Variants in ERMAP observed in about 807,000 individuals in gnomAD.
The protein encoded by ERMAP is erythroblast membrane associated protein (Scianna blood group).
In ERMAP, 34 loss-of-function variants were observed where a neutral mutation model predicts 49.5. That is an observed-to-expected ratio of 0.69 (90% CI 0.52 to 0.91). The LOEUF (loss-of-function observed/expected upper bound fraction) is 0.91. Ranked by LOEUF, ERMAP falls within the 40% of genes least tolerant of loss-of-function variation. The pLI is 0.00. For synonymous variants in ERMAP, 214 were observed against 232.2 expected (o/e 0.92, Z 0.71); for missense variants, 541 against 582.6 (o/e 0.93, Z 0.74).
In ERMAP at chr1:42,819,347, A is replaced by G. The variant is rs1319409941; in HGVS notation, c.-122+2094A>G. 6.6e-6 allele frequency among the ~76,000 whole-genome samples: 1 copy of G among 151,916 alleles called. No homozygotes were observed. The highest frequency in any genetic ancestry group is 1.5e-5 in the Non-Finnish European group (1 of 67,856). ...TGGAGATACCAGTTTGGGATTCTAC[A>G]TTCTTTATTGGGAAGGTGAAGGTTG... is the stretch of plus-strand genomic sequence containing the variant. On this transcript the variant is annotated intron_variant, in intron 1 of 11. Transcript: ENST00000372517. The surrounding 1 kb of genome is among the most constrained non-coding windows in gnomAD (Gnocchi z 5.1).
In ERMAP at chr1:42,825,659, T is replaced by C; in HGVS notation, c.-85T>C. Reference sequence around the variant, plus strand: ...GCGCTTGCCTGCTCCCTGGTCTCTCTGCATGGGGAAGGAGTGTTCCCAGCT... The same window carrying C: ...GCGCTTGCCTGCTCCCTGGTCTCTCCGCATGGGGAAGGAGTGTTCCCAGCT... On this transcript the variant is annotated 5_prime_UTR_variant, in exon 2 of 12. Coordinates refer to ENST00000372517, the MANE Select transcript of ERMAP (RefSeq NM_001017922.2). The C allele has an allele frequency of 7.8e-7, 1 of 1,289,426 alleles. No homozygotes were observed. Among genetic ancestry groups the C allele is most frequent in the South Asian group, 1.2e-5 (1 of 81,026 alleles). 79.9% of individuals were successfully genotyped at this position (1,289,426 alleles called of 1,614,324 possible). A position where few individuals can be genotyped will look rare whatever the true frequency, so the allele number is the denominator to read the frequency against.
chr1:42,832,277 G>A lies in ERMAP; in HGVS notation c.433+1162G>A, dbSNP rs34052572. Among the ~76,000 whole-genome samples, 953 of 134,896 alleles carry A rather than the reference G, an allele frequency of 7.1e-3. 6 individuals carry two copies. The highest frequency in any genetic ancestry group is 0.025 in the African/African-American group (882 of 35,184). The allele number at this position is 134,896 out of a possible 152,430, so 88.5% of individuals were successfully genotyped here. A position where few individuals can be genotyped will look rare whatever the true frequency, so the allele number is the denominator to read the frequency against. ...TGCAATCTTGGCTCACTGCAACTTC[G>A]CCTCCTGGGTTCAGGTGATTCTCCT... On this transcript the variant is annotated intron_variant, in intron 4 of 11. Coordinates refer to ENST00000372517, the MANE Select transcript of ERMAP (RefSeq NM_001017922.2).
intron 1 of ERMAP, among the ~76,000 whole-genome samples, chr1:42,824,022 A>C (rs1161245369): frequency 6.6e-6 from 1 of 152,214 alleles, no homozygotes; most frequent in Non-Finnish European, 1.5e-5. Context: ...ATTCTTGCAC[A>C]TGTGAGCAGG....
chr1:42,826,340 C>CA (rs575330810), intron 2 of ERMAP, among the ~76,000 whole-genome samples: 41 of 147,702 alleles, frequency 2.8e-4, no homozygotes, highest in African/African-American at 5.5e-4. Context: ...CACCATCAAA[C>CA]AAAAAAAAAG....
At chr1:42,828,643 G>A (rs1275023287) in intron 2 of ERMAP, among the ~76,000 whole-genome samples, 3 of 151,936 alleles carry the variant, frequency 2.0e-5, no homozygotes, top group Non-Finnish European at 4.4e-5. Flanking sequence ...CTACAGGTGC[G>A]TGCCACCATG....
chr1:42,837,530 C>T (rs1020258829), intron 7 of ERMAP: 53 of 172,152 alleles, frequency 3.1e-4, no homozygotes, highest in African/African-American at 1.2e-3. Context: ...TTCAAGAATC[C>T]ACACAACCTT....
rs745710803 is a variant in ERMAP at position 42,844,295 on chromosome 1, G to A, written c.*1063G>A. 17 of 394,856 alleles carry A rather than the reference G, an allele frequency of 4.3e-5. No individual in the cohort carries two copies. The highest frequency in any genetic ancestry group is 4.3e-4 in the East Asian group (12 of 27,886). The allele number at this position is 394,856 out of a possible 1,614,324, so 24.5% of individuals were successfully genotyped here. ...GGGTGTGTATTGCAGAAGCCTCGTC[G>A]CTTTCAAGTCACATCATATATGCGA... On this transcript the variant is annotated 3_prime_UTR_variant, in exon 12 of 12. Coordinates refer to ENST00000372517, the MANE Select transcript of ERMAP (RefSeq NM_001017922.2). The surrounding 1 kb of genome is among the most constrained non-coding windows in gnomAD (Gnocchi z 4.0).
intron 2 of ERMAP, chr1:42,830,110 T>C (rs994047924): frequency 3.9e-6 from 1 of 259,098 alleles, no homozygotes; most frequent in Non-Finnish European, 7.5e-6. Flanking sequence ...AAGTTCTGGA[T>C]CCTCACTCAT....
At chr1:42,830,201 C>A (rs1654675249) in intron 2 of ERMAP, 3 of 536,660 alleles carry the variant, frequency 5.6e-6, no homozygotes, top group Non-Finnish European at 1.0e-5. Flanking sequence ...CCTCTTTCAA[C>A]CCTCACCATA....
Position 42,824,066 on chromosome 1 carries a change from C to T in ERMAP, c.-121-1557C>T, listed in dbSNP as rs1654469132. ...ATCAAGAATGTTCAGGGCACGAGGC[C>T]GGGCGCGGTGGCTCACGCCTGTAAT... On this transcript the variant is annotated intron_variant, in intron 1 of 11. Coordinates refer to ENST00000372517, the MANE Select transcript of ERMAP (RefSeq NM_001017922.2). Among the ~76,000 whole-genome samples the T allele has an allele frequency of 2.0e-5, 3 of 152,138 alleles. No individual in the cohort carries two copies. In the South Asian group the frequency reaches 6.2e-4, roughly 31 times the overall value.
chr1:42,834,825 T>G (rs1570540749), intron 4 of ERMAP: 1 of 469,334 alleles, frequency 2.1e-6, no homozygotes, highest in Non-Finnish European at 3.9e-6. Flanking sequence ...AAAGTGCTGG[T>G]ATTACAGGCG....
At position 42,843,858 on chromosome 1, in the gene ERMAP, G is replaced by T. The variant is rs1473819930; in HGVS notation, c.*626G>T. On this transcript the variant is annotated 3_prime_UTR_variant, in exon 12 of 12. Coordinates refer to ENST00000372517, the MANE Select transcript of ERMAP (RefSeq NM_001017922.2). ...AGAGCTAATGTACATGCTTTCAAAA[G>T]CTAATCTGCCTGTTGATGGTAACTA... is the stretch of plus-strand genomic sequence containing the variant. 1 of 392,516 alleles carries T rather than the reference G, an allele frequency of 2.5e-6. No homozygotes were observed. The highest frequency in any genetic ancestry group is 2.1e-5 in the African/African-American group (1 of 48,478). The allele number at this position is 392,516 out of a possible 1,614,324, so 24.3% of individuals were successfully genotyped here. A position where few individuals can be genotyped will look rare whatever the true frequency, so the allele number is the denominator to read the frequency against.
Position 42,819,213 on chromosome 1 carries a change from G to A in ERMAP, c.-122+1960G>A, listed in dbSNP as rs1654341591. Among the ~76,000 whole-genome samples, 5 of 151,248 alleles carry A rather than the reference G, an allele frequency of 3.3e-5. No individual in the cohort carries two copies. Among genetic ancestry groups the A allele is most frequent in the East Asian group, 3.9e-4 (2 of 5,156 alleles). The stretch of plus-strand genomic sequence containing the variant: ...TGTGTGTGTGTGTGTGTGTGCGCGC[G>A]CGCAAGAGAGGGACCGAGAGAGAGA... On this transcript the variant is annotated intron_variant, in intron 1 of 11. Coordinates refer to ENST00000372517, the MANE Select transcript of ERMAP (RefSeq NM_001017922.2). The surrounding 1 kb of genome is among the most constrained non-coding windows in gnomAD (Gnocchi z 5.1).
rs376742128 is a variant in ERMAP at position 42,840,274 on chromosome 1, G to C, written c.690G>C (p.Trp230Cys). 4 of 1,614,064 alleles carry C rather than the reference G, an allele frequency of 2.5e-6. No homozygotes were observed. The highest frequency in any genetic ancestry group is 3.4e-6 in the Non-Finnish European group (4 of 1,180,016). Reference sequence around the variant, plus strand: ...TCCCCTTTTCTCATTTTTCAGGCTGGAGAAGAGCCCGGTTGCATTTTGGTA... The same window carrying C: ...TCCCCTTTTCTCATTTTTCAGGCTGCAGAAGAGCCCGGTTGCATTTTGGTA... ...KLKRAAANSG[W>C]RRARLHFVAV... Residue 230 changes from tryptophan (W) to cysteine (C), a missense_variant, in exon 11 of 12, where the codon TGG becomes TGC. Trp to Cys is a radical substitution (Grantham distance 215, BLOSUM62 -2). Transcript: ENST00000372517.
At chr1:42,835,213 A>G (rs1654858877) in intron 5 of ERMAP, 59 bp downstream of exon 5, 1 of 804,300 alleles carries the variant, frequency 1.2e-6, no homozygotes, top group African/African-American at 1.7e-5. Context: ...CTGCTCTGGG[A>G]AAGGGCCAGA....
intron 2 of ERMAP, among the ~76,000 whole-genome samples, chr1:42,829,684 A>C (rs1049730863): frequency 3.9e-5 from 6 of 152,158 alleles, no homozygotes; most frequent in African/African-American, 7.2e-5. Context: ...ACTTATGAGC[A>C]GTTGTTCTGC....
chr1:42,839,055 T>C, intron 8 of ERMAP, 134 bp downstream of exon 8: 1 of 1,374,928 alleles, frequency 7.3e-7, no homozygotes, highest in Non-Finnish European at 1.0e-6. Context: ...ACTGGGGCTT[T>C]CTTGGCTCTC....
chr1:42,843,075 C>T lies in ERMAP; in HGVS notation c.1271C>T (p.Pro424Leu). ...ELHKSEESIVPRPEGKGHANG... is the reference protein window; with the variant it reads ...ELHKSEESIVLRPEGKGHANG... ...CACAAATCAGAGGAATCAATTGTCCCCAGGCCAGAAGGGAAAGGCCATGCT... is the reference window on the plus strand; with the variant it reads ...CACAAATCAGAGGAATCAATTGTCCTCAGGCCAGAAGGGAAAGGCCATGCT... Residue 424 changes from proline (P) to leucine (L), a missense_variant, in exon 12 of 12, where the codon CCC (proline) becomes CTC (leucine). Physicochemically the swap from Pro to Leu is moderately conservative, Grantham distance 98 (BLOSUM62 -3). Coordinates refer to ENST00000372517, the MANE Select transcript of ERMAP (RefSeq NM_001017922.2). The T allele has an allele frequency of 6.2e-7, 1 of 1,614,192 alleles. No homozygotes were observed. Among genetic ancestry groups the T allele is most frequent in the Non-Finnish European group, 8.5e-7 (1 of 1,180,030 alleles).
intron 2 of ERMAP, among the ~76,000 whole-genome samples, chr1:42,827,936 G>A: frequency 6.6e-6 from 1 of 152,018 alleles, no homozygotes. Context: ...CTACTTTTCA[G>A]AGATGTTGTC....
Sources: allele counts gnomAD v4.1 joint callset (sites outside exome capture counted in the v4.1 genomes callset), GRCh38; gene constraint gnomAD v4.1.1; non-coding constraint Gnocchi (gnomAD v3.1); transcripts MANE v1.5; gene names NCBI Gene and HGNC (gene_info 2026-07-23, HGNC 2026-07-21).